Variants in ZNF280D observed in about 807,000 individuals in gnomAD.
The protein encoded by ZNF280D is suppressor of hairy wing homolog 4.
ZNF280D carries 39 observed loss-of-function variants against 94.7 expected under a neutral mutation model. The observed-to-expected ratio is 0.41, with a 90% CI of 0.32 to 0.54. The LOEUF is 0.54. ZNF280D is among the 20% of genes least tolerant of loss of function. The pLI, the probability that ZNF280D is intolerant of heterozygous loss-of-function variation, is 0.22. For missense variants in ZNF280D, 1,090 were observed against 1,149.3 expected, an observed-to-expected ratio of 0.95 and a Z score of 0.75; for synonymous variants, 398 against 377.6, an observed-to-expected ratio of 1.05 and a Z score of -0.63.
chr15:56,659,001 T>C (rs1392634330), intron 16 of ZNF280D, among the ~76,000 whole-genome samples: 1 of 151,884 alleles, frequency 6.6e-6, no homozygotes, highest in East Asian at 1.9e-4. Flanking sequence ...ACATTTACAG[T>C]GTTCCTTGTA....
intron 1 of ZNF280D, among the ~76,000 whole-genome samples, chr15:56,717,119 T>G (rs2058089419): frequency 6.6e-6 from 1 of 152,060 alleles, no homozygotes; most frequent in Non-Finnish European, 1.5e-5. Context: ...TAAGGCATTG[T>G]GATAGGTTTG....
rs1596418737 is a variant in ZNF280D at position 56,668,752 on chromosome 15, T to C, written c.1545+71A>G. On this transcript the variant is annotated intron_variant, in intron 14 of 21. Coordinates refer to ENST00000267807, the MANE Select transcript of ZNF280D (RefSeq NM_017661.4). ...TGAAGTCATTTAAAAATACATTCAA[T>C]ATATAAAGCCGGGCAGGAGTTAATT... The C allele has an allele frequency of 7.4e-6, 10 of 1,345,624 alleles. No homozygotes were observed. The East Asian group carries it at 2.6e-4, about 35-fold the overall frequency. 83.4% of individuals were successfully genotyped at this position (1,345,624 alleles called of 1,614,324 possible).
In ZNF280D at chr15:56,689,388, G is replaced by A. The variant is rs140798891; in HGVS notation, c.582C>T (p.Ser194=). The part of the protein sequence containing the change: ...NNVNPKKPKP[S]ESVSGANSSA... ...AGGAATTTGCTCCAGAAACACTTTC[G>A]CTGGGTTTAGGCTTCTTTGGATTAA... is the stretch of plus-strand genomic sequence containing the variant. Residue 194 remains serine (S), a synonymous_variant, in exon 8 of 22, where the codon AGC becomes AGT. Coordinates refer to ENST00000267807, the MANE Select transcript of ZNF280D (RefSeq NM_017661.4). 1.8e-5 allele frequency: 29 copies of A among 1,609,530 alleles called. No individual in the cohort carries two copies. The highest frequency in any genetic ancestry group is 6.7e-5 in the African/African-American group (5 of 74,792).
chr15:56,725,186 T>C (rs1436019462), intron 1 of ZNF280D, among the ~76,000 whole-genome samples: 1 of 152,104 alleles, frequency 6.6e-6, no homozygotes, highest in East Asian at 1.9e-4. Context: ...AGACTGATCA[T>C]CTTTGCTTTG....
At chr15:56,721,402 G>T (rs1413223764) in intron 1 of ZNF280D, among the ~76,000 whole-genome samples, 1 of 152,164 alleles carries the variant, frequency 6.6e-6, no homozygotes, top group Non-Finnish European at 1.5e-5. Flanking sequence ...TGAAAGCCAG[G>T]CATGACTTCT....
intron 1 of ZNF280D, among the ~76,000 whole-genome samples, chr15:56,717,676 G>A (rs1213723410): frequency 1.3e-5 from 2 of 152,004 alleles, no homozygotes; most frequent in Non-Finnish European, 2.9e-5. Context: ...ACTCCTATGA[G>A]GTAGACACTA....
At chr15:56,693,052 T>A (rs771898766) in intron 7 of ZNF280D, 46 bp downstream of exon 7, 6 of 1,163,720 alleles carry the variant, frequency 5.2e-6, no homozygotes, top group Non-Finnish European at 7.6e-6. Context: ...TGCATATTCA[T>A]CAAGTTTCTT....
chr15:56,656,877 G>C (rs1051559508), intron 17 of ZNF280D, among the ~76,000 whole-genome samples: 4 of 152,102 alleles, frequency 2.6e-5, no homozygotes, highest in African/African-American at 9.7e-5. Context: ...AAAGGGAAGA[G>C]GATACAGTTT....
intron 1 of ZNF280D, among the ~76,000 whole-genome samples, chr15:56,709,572 C>A (rs528830412): frequency 6.6e-6 from 1 of 152,040 alleles, no homozygotes; most frequent in Non-Finnish European, 1.5e-5. Context: ...ATGTTTATTG[C>A]GGCACTATTC....
chr15:56,660,818 A>AATCTTGATTTTCTTGAT (rs2053888846), intron 16 of ZNF280D, among the ~76,000 whole-genome samples: 1 of 152,078 alleles, frequency 6.6e-6, no homozygotes, highest in African/African-American at 2.4e-5. Context: ...CTCTAATCAT[A>AATCTTGATTTTCTTGAT]TTTTCTTCAT....
chr15:56,646,944 G>A (rs548305722), intron 19 of ZNF280D, among the ~76,000 whole-genome samples: 1 of 152,240 alleles, frequency 6.6e-6, no homozygotes, highest in East Asian at 1.9e-4. Context: ...AAGCAAAGAA[G>A]TATGAAACAA....
chr15:56,714,564 C>T (rs1326727368), intron 1 of ZNF280D, among the ~76,000 whole-genome samples: 11 of 152,058 alleles, frequency 7.2e-5, no homozygotes, highest in Admixed American at 4.6e-4. Context: ...CCTTCAAAGG[C>T]GATCAGGACT....
At chr15:56,664,806 G>T (rs1312660095) in intron 16 of ZNF280D, among the ~76,000 whole-genome samples, 1 of 152,104 alleles carries the variant, frequency 6.6e-6, no homozygotes, top group Non-Finnish European at 1.5e-5. Context: ...AAAGAGAAGA[G>T]GTTCAAATCT....
intron 6 of ZNF280D, chr15:56,698,013 T>C (rs2141156029): frequency 6.6e-6 from 1 of 152,306 alleles, no homozygotes. Flanking sequence ...CAGGAATATA[T>C]AACTGGAAAA....
intron 3 of ZNF280D, among the ~76,000 whole-genome samples, 163 bp downstream of exon 3, chr15:56,706,919 C>T (rs2057437935): frequency 6.6e-6 from 1 of 152,060 alleles, no homozygotes; most frequent in East Asian, 1.9e-4. Flanking sequence ...ATTTTACTCA[C>T]TTTTTTATTT....
chr15:56,655,525 T>C (rs1346589831), intron 17 of ZNF280D, among the ~76,000 whole-genome samples: 1 of 152,216 alleles, frequency 6.6e-6, no homozygotes, highest in African/African-American at 2.4e-5. Flanking sequence ...AGTTCTTAAA[T>C]GAAATGTGTA....
At position 56,707,254 on chromosome 15, in the gene ZNF280D, T is replaced by A; in HGVS notation, c.-42+9A>T. ...AATTATTGGATGTAAGGTTAACCTC[T>A]AAACTCACCATGTGACTCCAGACAA... On this transcript the variant is annotated intron_variant, in intron 2 of 21. Transcript: ENST00000267807. 6.4e-7 allele frequency: 1 copy of A among 1,553,410 alleles called. No individual in the cohort carries two copies. Among genetic ancestry groups the A allele is most frequent in the Non-Finnish European group, 8.7e-7 (1 of 1,151,310 alleles).
intron 16 of ZNF280D, among the ~76,000 whole-genome samples, chr15:56,659,867 T>C (rs1014758361): frequency 7.9e-5 from 12 of 151,656 alleles, no homozygotes; most frequent in African/African-American, 2.9e-4. Flanking sequence ...ACAAGGTAAT[T>C]GTCCCCAGCA....
At chr15:56,695,907 G>A (rs1413865335) in intron 6 of ZNF280D, among the ~76,000 whole-genome samples, 2 of 151,904 alleles carry the variant, frequency 1.3e-5, no homozygotes, top group African/African-American at 4.8e-5. Flanking sequence ...AATACTATAG[G>A]GTCCTGATAC....
Sources: allele counts gnomAD v4.1 joint callset (sites outside exome capture counted in the v4.1 genomes callset), GRCh38; gene constraint gnomAD v4.1.1; transcripts MANE v1.5; gene names NCBI Gene and HGNC (gene_info 2026-07-23, HGNC 2026-07-21).